The following AGPS variants were observed in gnomAD, a reference collection of about 807,000 sequenced individuals.
The protein encoded by AGPS is alkylglycerone phosphate synthase, also known as alkyldihydroxyacetonephosphate synthase, peroxisomal.
AGPS carries 26 observed loss-of-function variants against 90.7 expected under a neutral mutation model. The observed-to-expected ratio is 0.29, with a 90% confidence interval of 0.21 to 0.40. The LOEUF (loss-of-function observed/expected upper bound fraction) is 0.40, where lower values mean the gene tolerates loss of function less well. Among genes scored for constraint, AGPS ranks in the 10% least tolerant of loss-of-function variants. AGPS has a pLI of 1.00. For synonymous variants in AGPS, 294 were observed against 285.3 expected, an observed-to-expected ratio of 1.03 and a Z score of -0.31; for missense variants, 540 against 816.1, an observed-to-expected ratio of 0.66 and a Z score of 4.12.
chr2:177,505,521 A>G lies in AGPS; in HGVS notation c.1491A>G (p.Gly497=), dbSNP rs1349146346. 1.2e-6 allele frequency: 2 copies of G among 1,612,494 alleles called. No homozygotes were observed. The highest frequency in any genetic ancestry group is 1.7e-6 in the Non-Finnish European group (2 of 1,178,954). Residue 497 remains glycine, a synonymous_variant, in exon 15 of 20, where the codon GGA becomes GGG. Coordinates refer to ENST00000264167, the MANE Select transcript of AGPS (RefSeq NM_003659.4). ...TTAATTACAGTGGGTTGGCAGCTGG[A>G]GAAGATAATGGACAGAGAGGTTATT... ...IAAKFGGLAA[G]EDNGQRGYLL...
chr2:177,491,760 T>TTCCC (rs1688266881), intron 11 of AGPS, among the ~76,000 whole-genome samples: 2 of 46,506 alleles, frequency 4.3e-5, no homozygotes, highest in African/African-American at 8.9e-5. Flanking sequence ...ATACTTTCCT[T>TTCCC]CCCCCCCCCC....
chr2:177,412,591 A>G (rs1322901083), intron 1 of AGPS, among the ~76,000 whole-genome samples: 2 of 152,132 alleles, frequency 1.3e-5, no homozygotes, highest in Non-Finnish European at 2.9e-5. Context: ...AAGGATAGCA[A>G]GCGAAAGTAG....
At chr2:177,466,071 C>G (rs1687437863) in intron 9 of AGPS, among the ~76,000 whole-genome samples, 1 of 152,202 alleles carries the variant, frequency 6.6e-6, no homozygotes, top group African/African-American at 2.4e-5. Flanking sequence ...GGTAGGCCAT[C>G]CTGATGAGCA....
intron 2 of AGPS, among the ~76,000 whole-genome samples, chr2:177,423,840 A>G (rs1686000051): frequency 6.6e-6 from 1 of 151,974 alleles, no homozygotes; most frequent in Non-Finnish European, 1.5e-5. Flanking sequence ...AAATCTCTAG[A>G]TTTATCACTT....
intron 13 of AGPS, 43 bp downstream of exon 13, chr2:177,497,808 T>TA: frequency 8.9e-7 from 1 of 1,121,198 alleles, no homozygotes; most frequent in Non-Finnish European, 1.3e-6. Context: ...ATGCTTAAGA[T>TA]ATCTGTTTTC....
chr2:177,522,733 C>T (rs1330860298), intron 18 of AGPS, among the ~76,000 whole-genome samples: 1 of 152,190 alleles, frequency 6.6e-6, no homozygotes, highest in Non-Finnish European at 1.5e-5. Flanking sequence ...GGATTACAAG[C>T]GTGAGCTACC....
chr2:177,418,960 A>G (rs1419322967), intron 1 of AGPS, among the ~76,000 whole-genome samples: 1 of 151,996 alleles, frequency 6.6e-6, no homozygotes, highest in Non-Finnish European at 1.5e-5. Context: ...GTTAGTTTAT[A>G]ACTAATCTAC....
chr2:177,461,738 A>G lies in AGPS; in HGVS notation c.871-155A>G, dbSNP rs141081616. On this transcript the variant is annotated intron_variant, in intron 8 of 19. Transcript: ENST00000264167. ...TAAAAAAATTTTTAGGACTAGTGTG[A>G]TAAAAGTATCTTTTTTTTTTTTTTT... Among the ~76,000 whole-genome samples the G allele has an allele frequency of 1.5e-3, 232 of 150,424 alleles. 1 individual carries two copies. Among genetic ancestry groups the G allele is most frequent in the African/African-American group, 5.3e-3 (219 of 41,180 alleles).
chr2:177,476,539 T>G (rs1009045537), intron 10 of AGPS, among the ~76,000 whole-genome samples: 1 of 152,094 alleles, frequency 6.6e-6, no homozygotes, highest in Non-Finnish European at 1.5e-5. Context: ...TTTGTATTAT[T>G]TCAGTCTTTG....
Position 177,484,663 on chromosome 2 carries a change from A to G in AGPS, c.1233+2477A>G, listed in dbSNP as rs1436613311. Reference sequence around the variant, plus strand: ...GCCCAGCCACAAAAAGTGTTATTAAAGAATTGTAGTTCATGTCATTTCTTG... The same window carrying G: ...GCCCAGCCACAAAAAGTGTTATTAAGGAATTGTAGTTCATGTCATTTCTTG... On this transcript the variant is annotated intron_variant, in intron 11 of 19. Transcript: ENST00000264167. Among the ~76,000 whole-genome samples, 3 of 152,130 alleles carry G rather than the reference A, an allele frequency of 2.0e-5. No individual in the cohort carries two copies. In the East Asian group the frequency reaches 5.8e-4, roughly 29 times the overall value.
chr2:177,504,398 A>G (rs919674449), intron 14 of AGPS, among the ~76,000 whole-genome samples: 5 of 152,136 alleles, frequency 3.3e-5, no homozygotes, highest in Admixed American at 6.5e-5. Context: ...CTGCTTGACC[A>G]AAGTTTTATC....
chr2:177,504,308 G>C (rs2197611), intron 14 of AGPS, among the ~76,000 whole-genome samples: 109,309 of 148,686 alleles, frequency 0.74, 39,619 homozygotes, highest in Admixed American at 0.79. Flanking sequence ...TTTTCCTTTT[G>C]TTTTGAAACT....
At chr2:177,421,187 C>G (rs766478604) in intron 2 of AGPS, among the ~76,000 whole-genome samples, 6 of 151,808 alleles carry the variant, frequency 4.0e-5, no homozygotes, top group Admixed American at 6.6e-5. Flanking sequence ...TTTGAAAGGG[C>G]AGTGAGTACA....
intron 1 of AGPS, among the ~76,000 whole-genome samples, chr2:177,400,389 A>T (rs1685299511): frequency 6.6e-6 from 1 of 152,180 alleles, no homozygotes; most frequent in Non-Finnish European, 1.5e-5. Context: ...AAGTTTTGTA[A>T]ATATATAAAA....
intron 6 of AGPS, 108 bp from the exon 7 acceptor site, chr2:177,442,299 A>T: frequency 4.7e-6 from 4 of 853,022 alleles, no homozygotes; most frequent in Non-Finnish European, 8.0e-6. Context: ...AATAGGTATC[A>T]CTTTTCTAGT....
chr2:177,444,591 A>G (rs188246101), intron 7 of AGPS, among the ~76,000 whole-genome samples: 1 of 152,206 alleles, frequency 6.6e-6, no homozygotes, highest in African/African-American at 2.4e-5. Context: ...ATGTGTTCAG[A>G]TTTGGAATGT....
chr2:177,489,931 C>T (rs964069220), intron 11 of AGPS, among the ~76,000 whole-genome samples: 23 of 152,136 alleles, frequency 1.5e-4, no homozygotes, highest in African/African-American at 4.6e-4. Context: ...CTTTTTCCCT[C>T]CTTTACAAAA....
At chr2:177,442,536 C>T in intron 7 of AGPS, 50 bp downstream of exon 7, 2 of 1,399,308 alleles carry the variant, frequency 1.4e-6, no homozygotes, top group East Asian at 2.3e-5. Context: ...ATTGGCTCCA[C>T]CTTAATTGTC....
chr2:177,514,249 C>G (rs887646716), intron 17 of AGPS, among the ~76,000 whole-genome samples: 2 of 152,168 alleles, frequency 1.3e-5, no homozygotes, highest in African/African-American at 4.8e-5. Flanking sequence ...AAATTATATA[C>G]ATACTCAACA....
Sources: allele counts gnomAD v4.1 joint callset (sites outside exome capture counted in the v4.1 genomes callset), GRCh38; gene constraint gnomAD v4.1.1; transcripts MANE v1.5; gene names NCBI Gene and HGNC (gene_info 2026-07-23, HGNC 2026-07-21).